The following LRGUK variants were observed in gnomAD, a reference collection of about 807,000 sequenced individuals.
The protein encoded by LRGUK is leucine rich repeats and guanylate kinase domain containing.
Under a neutral mutation model 76.0 loss-of-function variants are expected in LRGUK, and 65 were observed. The observed-to-expected ratio is 0.85, with a 90% CI of 0.70 to 1.05. The LOEUF is 1.05. LRGUK is among the 50% of genes least tolerant of loss of function. The pLI, the probability that LRGUK is intolerant of heterozygous loss-of-function variation, is 0.00. For missense variants in LRGUK, 758 were observed against 732.8 expected (o/e 1.03, Z -0.40); for synonymous variants, 268 against 265.6 (o/e 1.01, Z -0.09).
chr7:134,134,653 AGGAAAT>A (rs1049914936), intron 1 of LRGUK, among the ~76,000 whole-genome samples: 10 of 152,228 alleles, frequency 6.6e-5, no homozygotes, highest in Non-Finnish European at 1.2e-4. Context: ...TCATAGTTCC[AGGAAAT>A]GGAGGGGGCC....
downstream of LRGUK, among the ~76,000 whole-genome samples, chr7:134,212,724 G>A (rs987830218): frequency 2.0e-4 from 31 of 152,154 alleles, no homozygotes; most frequent in Admixed American, 7.9e-4. Flanking sequence ...TTGAGCACAC[G>A]CTATGTGCCA....
At chr7:134,161,744 G>T (rs1030970764) in intron 6 of LRGUK, among the ~76,000 whole-genome samples, 4 of 144,356 alleles carry the variant, frequency 2.8e-5, no homozygotes, top group Non-Finnish European at 6.0e-5. Context: ...AGGCTGGAGT[G>T]CAGTGGCACG....
At chr7:134,176,272 G>T (rs1799475785) in intron 8 of LRGUK, among the ~76,000 whole-genome samples, 1 of 151,874 alleles carries the variant, frequency 6.6e-6, no homozygotes, top group African/African-American at 2.4e-5. Flanking sequence ...AATGCATGCG[G>T]GGCTTAATAC....
chr7:134,143,016 G>T, intron 3 of LRGUK, 46 bp from the exon 4 acceptor site: 1 of 1,030,522 alleles, frequency 9.7e-7, no homozygotes, highest in Non-Finnish European at 1.5e-6. Context: ...CCTTTGTCTT[G>T]TTATTTTATT....
chr7:134,242,426 T>A (rs901122981), intron 16 of LRGUK, among the ~76,000 whole-genome samples: 13 of 152,278 alleles, frequency 8.5e-5, no homozygotes, highest in African/African-American at 2.9e-4. Context: ...TATAAACACT[T>A]CTATGCAAAT....
intron 8 of LRGUK, among the ~76,000 whole-genome samples, chr7:134,175,640 G>A (rs1799448060): frequency 6.6e-6 from 1 of 151,936 alleles, no homozygotes; most frequent in Non-Finnish European, 1.5e-5. Context: ...CCTCATATAC[G>A]GTCTCATCTA....
At chr7:134,247,524 A>G (rs753209465) in intron 16 of LRGUK, 32 bp from the exon 17 acceptor site, 7 of 1,472,674 alleles carry the variant, frequency 4.8e-6, no homozygotes, top group Middle Eastern at 1.7e-4. Context: ...TTTTAACATC[A>G]ATGCAATTTT....
At chr7:134,266,969 T>C (rs1802867787), downstream of LRGUK, among the ~76,000 whole-genome samples, 1 of 152,034 alleles carries the variant, frequency 6.6e-6, no homozygotes, top group African/African-American at 2.4e-5. Context: ...ACCATGGAAG[T>C]GGTATATTTT....
At chr7:134,239,908 C>T (rs1187089891) in intron 16 of LRGUK, among the ~76,000 whole-genome samples, 1 of 152,206 alleles carries the variant, frequency 6.6e-6, no homozygotes, top group African/African-American at 2.4e-5. Flanking sequence ...TGCTGTTCTG[C>T]AGCCTCCACT....
Position 134,208,717 on chromosome 7 carries a change from T to TAGCAAGAAGACTGTCTCTGGGGTGCC in LRGUK, c.1859_1884dup (p.His629ArgfsTer27). ...TTTATATTAAAGCAGGAGCTCCCGCTAGCAAGAAGACTGTCTCTGGGGTGC... is the reference window on the plus strand; with the variant it reads ...TTTATATTAAAGCAGGAGCTCCCGCTAGCAAGAAGACTGTCTCTGGGGTGCCAGCAAGAAGACTGTCTCTGGGGTGC... On this transcript the variant is annotated frameshift_variant, in exon 16 of 16. Coordinates refer to ENST00000645682, the Ensembl canonical transcript of LRGUK. LOFTEE classifies it low-confidence loss of function (END_TRUNC). 2.5e-6 allele frequency: 1 copy of TAGCAAGAAGACTGTCTCTGGGGTGCC among 399,056 alleles called. No homozygotes were observed. Among genetic ancestry groups the TAGCAAGAAGACTGTCTCTGGGGTGCC allele is most frequent in the Non-Finnish European group, 4.4e-6 (1 of 226,074 alleles). The allele number at this position is 399,056 out of a possible 1,614,324, so 24.7% of individuals were successfully genotyped here. A position where few individuals can be genotyped will look rare whatever the true frequency, so the allele number is the denominator to read the frequency against.
intron 14 of LRGUK, among the ~76,000 whole-genome samples, chr7:134,200,142 T>A (rs533653655): frequency 2.8e-3 from 424 of 150,182 alleles, no homozygotes; most frequent in Non-Finnish European, 4.8e-3. Context: ...GTTCAAGCAA[T>A]AGATCTGCCT....
At chr7:134,234,476 C>A (rs568891697) in intron 16 of LRGUK, among the ~76,000 whole-genome samples, 1 of 152,144 alleles carries the variant, frequency 6.6e-6, no homozygotes, top group East Asian at 1.9e-4. Context: ...TCCTTTGATT[C>A]CTTTCTTCAT....
intron 5 of LRGUK, among the ~76,000 whole-genome samples, chr7:134,154,835 AT>A (rs1442121730): frequency 6.6e-6 from 1 of 152,212 alleles, no homozygotes; most frequent in African/African-American, 2.4e-5. Context: ...AGTAAGATGG[AT>A]GTGCCAAGGG....
chr7:134,211,116 C>T (rs750174713), downstream of LRGUK, among the ~76,000 whole-genome samples: 155 of 152,352 alleles, frequency 1.0e-3, 1 homozygote, highest in Middle Eastern at 0.017. Context: ...CTGTTCAGCA[C>T]TGTCCAAACC....
At chr7:134,243,012 G>A (rs538735332) in intron 16 of LRGUK, among the ~76,000 whole-genome samples, 1 of 152,268 alleles carries the variant, frequency 6.6e-6, no homozygotes, top group South Asian at 2.1e-4. Context: ...AGCCCTTCAT[G>A]CTAAAAACTG....
At chr7:134,149,476 C>A (rs1036575951) in intron 5 of LRGUK, among the ~76,000 whole-genome samples, 1 of 152,006 alleles carries the variant, frequency 6.6e-6, no homozygotes, top group Non-Finnish European at 1.5e-5. Context: ...ACAGAGGGTA[C>A]GTTTTCTTGA....
intron 18 of LRGUK, among the ~76,000 whole-genome samples, chr7:134,254,256 A>T (rs1441707279): frequency 1.3e-5 from 2 of 152,172 alleles, no homozygotes; most frequent in Admixed American, 1.3e-4. Context: ...AAAATTTCAC[A>T]ATCTTTTGGG....
chr7:134,238,157 A>G (rs757839128), intron 16 of LRGUK, among the ~76,000 whole-genome samples: 5 of 152,204 alleles, frequency 3.3e-5, no homozygotes, highest in Non-Finnish European at 7.3e-5. Context: ...AATACTCATC[A>G]TTAGACCATA....
exon 20 of LRGUK, chr7:134,264,075 C>A: frequency 8.4e-7 from 1 of 1,183,684 alleles, no homozygotes; most frequent in Non-Finnish European, 1.1e-6. Context: ...CTCACTCAAC[C>A]CATTACCCAC....
Sources: gnomAD v4.1 joint callset for allele counts (sites outside exome capture counted in the v4.1 genomes callset) on GRCh38, gnomAD v4.1.1 for gene constraint, MANE v1.5 for transcripts, NCBI Gene and HGNC (gene_info 2026-07-23, HGNC 2026-07-21) for gene names.